Variants in PPP6R3 observed in about 807,000 individuals in gnomAD.
The protein encoded by PPP6R3 is serine/threonine-protein phosphatase 6 regulatory subunit 3.
In PPP6R3, 38 loss-of-function variants were observed where a neutral mutation model predicts 110.7. That is an observed-to-expected ratio of 0.34 (90% CI 0.26 to 0.45). The LOEUF is 0.45. Among genes scored for constraint, PPP6R3 ranks in the 20% least tolerant of loss-of-function variants. The pLI, the probability that PPP6R3 is intolerant of heterozygous loss-of-function variation, is 1.00. For missense variants in PPP6R3, 870 were observed against 1,062.4 expected (o/e 0.82, Z 2.52); for synonymous variants, 369 against 373.5 (o/e 0.99, Z 0.14).
chr11:68,508,169 C>G (rs1464192181), intron 1 of PPP6R3, among the ~76,000 whole-genome samples: 1 of 127,234 alleles, frequency 7.9e-6, no homozygotes, highest in Non-Finnish European at 1.6e-5. Flanking sequence ...TGATCCATCA[C>G]CCAGGCTGGA....
intron 1 of PPP6R3, among the ~76,000 whole-genome samples, chr11:68,476,960 A>AG (rs1303751314): frequency 1.3e-5 from 2 of 151,902 alleles, no homozygotes; most frequent in Non-Finnish European, 2.9e-5. Flanking sequence ...CAGGAGTTCG[A>AG]GGCTGCAGTA....
intron 16 of PPP6R3, among the ~76,000 whole-genome samples, chr11:68,590,137 T>C (rs2099590700): frequency 6.6e-6 from 1 of 152,192 alleles, no homozygotes; most frequent in South Asian, 2.1e-4. Context: ...AGATAGCCCC[T>C]CCTCTTCAAA....
chr11:68,483,381 A>C (rs914479987), intron 1 of PPP6R3, among the ~76,000 whole-genome samples: 1 of 152,228 alleles, frequency 6.6e-6, no homozygotes. Context: ...GAGTTCCCAT[A>C]TACTCCTGTC....
Position 68,537,907 on chromosome 11 carries a change from C to T in PPP6R3, c.227+16C>T. The T allele has an allele frequency of 6.4e-7, 1 of 1,573,104 alleles. No homozygotes were observed. The highest frequency in any genetic ancestry group is 8.7e-7 in the Non-Finnish European group (1 of 1,144,770). On this transcript the variant is annotated intron_variant, in intron 3 of 23. Transcript: ENST00000393800. ...TCAGATACAAGTAAGACAATTCAATCTTCTCTGTAGAGTGGGACTAAAGTG... is the reference window on the plus strand; with the variant it reads ...TCAGATACAAGTAAGACAATTCAATTTTCTCTGTAGAGTGGGACTAAAGTG...
intron 4 of PPP6R3, among the ~76,000 whole-genome samples, chr11:68,546,229 T>A (rs1020473636): frequency 6.6e-6 from 1 of 152,218 alleles, no homozygotes; most frequent in Non-Finnish European, 1.5e-5. Context: ...TTTTCTGCCT[T>A]CTAGTTAGAA....
intron 14 of PPP6R3, among the ~76,000 whole-genome samples, chr11:68,581,797 A>AC (rs749408817): frequency 7.9e-5 from 12 of 152,196 alleles, no homozygotes; most frequent in Non-Finnish European, 1.6e-4. Flanking sequence ...CACGGAATCT[A>AC]CCTTTGATTT....
chr11:68,478,537 T>G (rs901520503), intron 1 of PPP6R3, among the ~76,000 whole-genome samples: 3 of 152,096 alleles, frequency 2.0e-5, no homozygotes, highest in African/African-American at 7.2e-5. Flanking sequence ...CCTTTTACTT[T>G]CAAGCTCTTT....
intron 15 of PPP6R3, chr11:68,586,528 A>C (rs960595003): frequency 1.3e-5 from 2 of 151,460 alleles, no homozygotes; most frequent in African/African-American, 2.4e-5. Flanking sequence ...GTGCTCATCT[A>C]ATATCACCTC....
intron 17 of PPP6R3, among the ~76,000 whole-genome samples, chr11:68,591,204 G>A (rs1306129964): frequency 6.6e-6 from 1 of 152,176 alleles, no homozygotes; most frequent in African/African-American, 2.4e-5. Flanking sequence ...AGCCATTGAA[G>A]GTTATCACTG....
chr11:68,465,651 C>G (rs1181214744), intron 1 of PPP6R3, among the ~76,000 whole-genome samples: 2 of 152,204 alleles, frequency 1.3e-5, no homozygotes, highest in Non-Finnish European at 2.9e-5. Context: ...TGAGTCCTTA[C>G]TCTGCTAGGA....
At chr11:68,603,541 G>T (rs2099638255) in intron 22 of PPP6R3, 49 bp downstream of exon 22, 1 of 1,608,896 alleles carries the variant, frequency 6.2e-7, no homozygotes, top group Non-Finnish European at 8.5e-7. Context: ...TTGGGAGGAT[G>T]GTGGGGCAGA....
intron 4 of PPP6R3, among the ~76,000 whole-genome samples, chr11:68,547,553 G>T (rs773227764): frequency 1.2e-4 from 19 of 152,190 alleles, no homozygotes; most frequent in Non-Finnish European, 2.9e-5. Context: ...GAGTAAATTG[G>T]TGAAGTCAAA....
chr11:68,480,523 T>C (rs2098899523), intron 1 of PPP6R3, among the ~76,000 whole-genome samples: 1 of 152,258 alleles, frequency 6.6e-6, no homozygotes, highest in African/African-American at 2.4e-5. Flanking sequence ...AGAATTTTCT[T>C]GTTTTTATCA....
intron 1 of PPP6R3, among the ~76,000 whole-genome samples, chr11:68,462,402 A>G (rs1428009642): frequency 2.0e-5 from 3 of 152,204 alleles, no homozygotes; most frequent in Non-Finnish European, 4.4e-5. Flanking sequence ...AATGAGTAGT[A>G]GCGCCTCATA....
chr11:68,610,883 A>G (rs556638147), intron 23 of PPP6R3, among the ~76,000 whole-genome samples: 44 of 125,322 alleles, frequency 3.5e-4, no homozygotes, highest in African/African-American at 1.3e-3. Flanking sequence ...CCAGCATTGT[A>G]TGAGAGCATA....
At chr11:68,548,040 T>C in intron 4 of PPP6R3, 27 bp from the exon 5 acceptor site, 1 of 1,599,260 alleles carries the variant, frequency 6.3e-7, no homozygotes, top group Non-Finnish European at 8.5e-7. Context: ...TTACATGTCT[T>C]TCAGTTTCTG....
intron 1 of PPP6R3, among the ~76,000 whole-genome samples, chr11:68,461,161 C>T (rs187413209): frequency 0.01 from 1,520 of 150,818 alleles, 32 homozygotes; most frequent in African/African-American, 0.035. Flanking sequence ...CCGGCTCTGG[C>T]TCCAGCCTTC....
rs1271879595 is a variant in PPP6R3 at position 68,615,032 on chromosome 11, ACCC to A, written c.*1916_*1918del. 2.0e-6 allele frequency: 1 copy of A among 500,840 alleles called. No homozygotes were observed. Among genetic ancestry groups the A allele is most frequent in the East Asian group, 5.5e-5 (1 of 18,234 alleles). The allele number at this position is 500,840 out of a possible 1,614,324, so 31.0% of individuals were successfully genotyped here. The stretch of plus-strand genomic sequence containing the variant: ...ATGGACCTGGTGGCTTCTCCATCCT[ACCC>A]AAGGTAACAGTGTCTTGCTTCATCC... On this transcript the variant is annotated 3_prime_UTR_variant, in exon 24 of 24. Coordinates refer to ENST00000393800, the MANE Select transcript of PPP6R3 (RefSeq NM_001164161.2).
intron 1 of PPP6R3, among the ~76,000 whole-genome samples, chr11:68,494,506 A>G (rs1181053690): frequency 6.7e-6 from 1 of 148,728 alleles, no homozygotes; most frequent in Non-Finnish European, 1.5e-5. Flanking sequence ...TTCTAGTGTT[A>G]GTTTTAATTA....
Sources: allele counts gnomAD v4.1 joint callset (sites outside exome capture counted in the v4.1 genomes callset), GRCh38; gene constraint gnomAD v4.1.1; transcripts MANE v1.5; gene names NCBI Gene and HGNC (gene_info 2026-07-23, HGNC 2026-07-21).